IFT81: variants seen among roughly 807,000 people sequenced by gnomAD.
IFT81 encodes the protein intraflagellar transport protein 81 homolog.
A neutral mutation model predicts 102.6 loss-of-function variants in IFT81; 72 were observed. That is an observed-to-expected ratio of 0.70 (90% CI 0.58 to 0.85). IFT81 has a LOEUF of 0.85. Among genes scored for constraint, IFT81 ranks in the 40% least tolerant of loss-of-function variants. The pLI, the probability that IFT81 is intolerant of heterozygous loss-of-function variation, is 0.00. For synonymous variants in IFT81, 237 were observed against 242.7 expected, an observed-to-expected ratio of 0.98 and a Z score of 0.22; for missense variants, 723 against 787.3, an observed-to-expected ratio of 0.92 and a Z score of 0.98.
chr12:110,177,248 A>G (rs1433315512), intron 11 of IFT81, among the ~76,000 whole-genome samples: 4 of 152,086 alleles, frequency 2.6e-5, no homozygotes, highest in Non-Finnish European at 4.4e-5. Context: ...TGTGTTCCTC[A>G]GTTCTTTCAA....
At chr12:110,140,104 A>T (rs971084300) in intron 8 of IFT81, among the ~76,000 whole-genome samples, 3 of 149,170 alleles carry the variant, frequency 2.0e-5, no homozygotes, top group Non-Finnish European at 4.5e-5. Flanking sequence ...AATGTATTAA[A>T]TTTTTTTTTT....
intron 10 of IFT81, among the ~76,000 whole-genome samples, chr12:110,157,119 G>A (rs1895886304): frequency 1.3e-5 from 2 of 152,092 alleles, no homozygotes; most frequent in South Asian, 4.2e-4. Flanking sequence ...GGAGGCCGAG[G>A]CAGGCAGATC....
rs1286066394 is a variant in IFT81, at chr12:110,147,631, C to A, written c.1041+583C>A. Among the ~76,000 whole-genome samples, 4 of 152,150 alleles carry A rather than the reference C, an allele frequency of 2.6e-5. No homozygotes were observed. In the East Asian group the frequency reaches 7.7e-4, roughly 29 times the overall value. On this transcript the variant is annotated intron_variant, in intron 10 of 18. Transcript: ENST00000242591. ...TACAACCTCAGAAAATACTAAGCTA[C>A]ATAACAAAGCATTATTTAAGGACAT...
intron 12 of IFT81, among the ~76,000 whole-genome samples, chr12:110,189,994 T>C (rs976056072): frequency 1.3e-5 from 2 of 152,222 alleles, no homozygotes; most frequent in African/African-American, 4.8e-5. Flanking sequence ...CTTGAACTAT[T>C]GAGACGGTCT....
intron 11 of IFT81, among the ~76,000 whole-genome samples, chr12:110,165,601 C>T (rs1896390274): frequency 1.3e-5 from 2 of 152,216 alleles, no homozygotes; most frequent in Admixed American, 1.3e-4. Flanking sequence ...ATACAAAGCT[C>T]TGTTCCAGGT....
intron 14 of IFT81, among the ~76,000 whole-genome samples, chr12:110,199,816 CT>C (rs1898181435): frequency 1.3e-5 from 2 of 152,194 alleles, no homozygotes; most frequent in African/African-American, 4.8e-5. Flanking sequence ...TATCCTGTTT[CT>C]AAGGAAACCG....
At chr12:110,158,630 C>T (rs1220661223) in intron 10 of IFT81, among the ~76,000 whole-genome samples, 2 of 151,810 alleles carry the variant, frequency 1.3e-5, no homozygotes, top group Admixed American at 1.3e-4. Flanking sequence ...CGCTCTTTCG[C>T]CCAGGCCAAA....
intron 10 of IFT81, chr12:110,162,331 C>CTTTTTTTTTTTTTT (rs1160267123): frequency 5.0e-5 from 5 of 100,076 alleles, no homozygotes; most frequent in East Asian, 2.6e-4. Flanking sequence ...TAATATTTTT[C>CTTTTTTTTTTTTTT]TTTTTTTTTT....
chr12:110,184,589 A>G (rs1274393415), intron 12 of IFT81, among the ~76,000 whole-genome samples: 1 of 152,198 alleles, frequency 6.6e-6, no homozygotes. Context: ...GGACATACTT[A>G]TGAAGGGTAA....
chr12:110,148,791 G>A (rs1407093103), intron 10 of IFT81, among the ~76,000 whole-genome samples: 1 of 152,124 alleles, frequency 6.6e-6, no homozygotes, highest in Non-Finnish European at 1.5e-5. Flanking sequence ...CTTTTATAAA[G>A]AGAAAACCTC....
At chr12:110,193,845 T>C (rs977979453) in intron 14 of IFT81, among the ~76,000 whole-genome samples, 1 of 152,186 alleles carries the variant, frequency 6.6e-6, no homozygotes, top group Non-Finnish European at 1.5e-5. Context: ...GATTAGTCTT[T>C]TCTCTCATTG....
At chr12:110,132,482 A>G in intron 4 of IFT81, 65 bp from the exon 5 acceptor site, 1 of 737,964 alleles carries the variant, frequency 1.4e-6, no homozygotes, top group Non-Finnish European at 2.2e-6. Context: ...AAAAGAAAGA[A>G]AGAAAGAAAG....
chr12:110,135,944 T>C (rs1894482877), intron 7 of IFT81, among the ~76,000 whole-genome samples: 1 of 152,066 alleles, frequency 6.6e-6, no homozygotes, highest in South Asian at 2.1e-4. Flanking sequence ...CTGAATTGTA[T>C]CTATACACTG....
chr12:110,157,015 T>G (rs1399224450), intron 10 of IFT81, among the ~76,000 whole-genome samples: 1 of 141,538 alleles, frequency 7.1e-6, no homozygotes. Flanking sequence ...GACAGTTTGA[T>G]TTTTTTTTTT....
intron 11 of IFT81, among the ~76,000 whole-genome samples, chr12:110,167,336 C>A (rs1380935941): frequency 6.6e-6 from 1 of 152,122 alleles, no homozygotes; most frequent in Non-Finnish European, 1.5e-5. Flanking sequence ...AGAGTTCTGA[C>A]ATAAGTAGGA....
chr12:110,218,305 A>G lies in IFT81; in HGVS notation c.*79A>G. The G allele has an allele frequency of 9.1e-7, 1 of 1,099,228 alleles. No homozygotes were observed. The highest frequency in any genetic ancestry group is 1.3e-6 in the Non-Finnish European group (1 of 798,008). The allele number at this position is 1,099,228 out of a possible 1,614,324, so 68.1% of individuals were successfully genotyped here. On this transcript the variant is annotated 3_prime_UTR_variant, in exon 19 of 19. Transcript: ENST00000242591. ...TCTCATAATGTATTTCTTTTTTGAA[A>G]CTGATTTGTATAGCATTTTGTTTTC...
chr12:110,184,358 T>A lies in IFT81; in HGVS notation c.1338+3787T>A, dbSNP rs574805335. Among the ~76,000 whole-genome samples the A allele has an allele frequency of 1.8e-4, 28 of 151,978 alleles. No individual in the cohort carries two copies. In the East Asian group the frequency reaches 4.6e-3, roughly 25 times the overall value. ...GAGCGAGACTCCATCTCAAAAAAAA[T>A]AAATAAATAAATTACAAATTAATGG... On this transcript the variant is annotated intron_variant, in intron 12 of 18. Transcript: ENST00000242591.
intron 11 of IFT81, chr12:110,168,791 A>G (rs1896578700): frequency 6.6e-6 from 1 of 152,230 alleles, no homozygotes; most frequent in African/African-American, 2.4e-5. Context: ...GGATTATGGA[A>G]AAGATGGTGT....
intron 10 of IFT81, among the ~76,000 whole-genome samples, chr12:110,147,603 C>T (rs897683219): frequency 6.6e-6 from 1 of 152,188 alleles, no homozygotes; most frequent in Non-Finnish European, 1.5e-5. Context: ...GTGAAGAGCA[C>T]TCTACAACCT....
Sources: gnomAD v4.1 joint callset for allele counts (sites outside exome capture counted in the v4.1 genomes callset) on GRCh38, gnomAD v4.1.1 for gene constraint, MANE v1.5 for transcripts, NCBI Gene and HGNC (gene_info 2026-07-23, HGNC 2026-07-21) for gene names.